The following AFF2 variants were observed in gnomAD, a reference collection of about 807,000 sequenced individuals.
AFF2 encodes ALF transcription elongation factor 2.
A neutral mutation model predicts 76.9 loss-of-function variants in AFF2; 14 were observed. That is an observed-to-expected ratio of 0.18 (90% CI 0.12 to 0.28). The LOEUF (loss-of-function observed/expected upper bound fraction) is 0.28, where lower values mean the gene tolerates loss of function less well. Ranked by LOEUF, AFF2 falls within the 10% of genes least tolerant of loss-of-function variation. The probability of loss-of-function intolerance (pLI) is 1.00; values close to 1 mark genes in which losing one functional copy is unlikely to be tolerated. For missense variants in AFF2, 868 were observed against 1,001.1 expected (o/e 0.87, Z 1.79); for synonymous variants, 398 against 366.7 (o/e 1.09, Z -0.98).
rs1443247447 is a variant in AFF2 at position 148,993,897 on chromosome X, T to C, written c.*2565T>C. ...CTTTCAGTTTCATGATTAAGGATTGTTGCTGTTTTATAGTTACTCTGTTCA... is the reference window on the plus strand; with the variant it reads ...CTTTCAGTTTCATGATTAAGGATTGCTGCTGTTTTATAGTTACTCTGTTCA... On this transcript the variant is annotated 3_prime_UTR_variant, in exon 21 of 21. Transcript: ENST00000370460. The C allele has an allele frequency of 8.9e-6, 1 of 112,597 alleles. No homozygotes were observed. The highest frequency in any genetic ancestry group is 1.9e-5 in the Non-Finnish European group (1 of 53,273). The allele number at this position is 112,597 out of a possible 1,213,427, so 9.3% of individuals were successfully genotyped here. A position where few individuals can be genotyped will look rare whatever the true frequency, so the allele number is the denominator to read the frequency against.
chrX:148,722,109 TC>T (rs1256434337), intron 3 of AFF2, among the ~76,000 whole-genome samples: 1 of 111,258 alleles, frequency 9.0e-6, no homozygotes, highest in African/African-American at 3.3e-5. Flanking sequence ...ACAGCAAGTG[TC>T]TGTTAAGGTC....
At position 148,958,245 on chromosome X, in the gene AFF2, C is replaced by G. The variant is rs2072065059; in HGVS notation, c.2569-92C>G. On this transcript the variant is annotated intron_variant, in intron 11 of 20. Coordinates refer to ENST00000370460, the MANE Select transcript of AFF2 (RefSeq NM_002025.4). ...ATCTAGAAGTTAAAATAAAAGCAAA[C>G]TATGTATCTTGCTCATTTTTAGTGT... is the stretch of plus-strand genomic sequence containing the variant. 31 of 1,095,414 alleles carry G rather than the reference C, an allele frequency of 2.8e-5. No homozygotes were observed. The South Asian group carries it at 5.9e-4, about 21-fold the overall frequency. 90.3% of individuals were successfully genotyped at this position (1,095,414 alleles called of 1,213,427 possible).
intron 3 of AFF2, among the ~76,000 whole-genome samples, chrX:148,703,128 G>T (rs1603281217): frequency 8.9e-6 from 1 of 112,025 alleles, no homozygotes. Flanking sequence ...TAAAGGCATA[G>T]TGTCAAGGCA....
intron 14 of AFF2, among the ~76,000 whole-genome samples, chrX:148,967,389 G>A (rs1464291829): frequency 8.9e-6 from 1 of 111,994 alleles, no homozygotes; most frequent in African/African-American, 3.3e-5. Context: ...TGATCTATTT[G>A]GACAACTGTA....
intron 3 of AFF2, among the ~76,000 whole-genome samples, chrX:148,775,199 G>A (rs1004244337): frequency 9.0e-6 from 1 of 111,464 alleles, no homozygotes; most frequent in East Asian, 2.8e-4. Flanking sequence ...TTACCTATAA[G>A]TTCTGTGTAA....
intron 1 of AFF2, among the ~76,000 whole-genome samples, chrX:148,590,860 C>A (rs2053516395): frequency 8.9e-6 from 1 of 111,770 alleles, no homozygotes; most frequent in Non-Finnish European, 1.9e-5. Context: ...ATCATATGTG[C>A]AAAATAACTG....
At chrX:148,919,441 C>G (rs781793147) in intron 9 of AFF2, among the ~76,000 whole-genome samples, 99 of 110,794 alleles carry the variant, frequency 8.9e-4, no homozygotes, top group African/African-American at 3.1e-3. Flanking sequence ...ATAATGAAAC[C>G]TCATGTCGAA....
intron 3 of AFF2, among the ~76,000 whole-genome samples, chrX:148,795,717 C>T (rs1180727978): frequency 2.2e-5 from 2 of 90,414 alleles, no homozygotes; most frequent in African/African-American, 4.1e-5. Context: ...GCAGGAGAAC[C>T]GCTTGAACCC....
At chrX:148,834,762 T>G (rs1275942722) in intron 4 of AFF2, among the ~76,000 whole-genome samples, 1 of 111,662 alleles carries the variant, frequency 9.0e-6, no homozygotes, top group African/African-American at 3.3e-5. Context: ...ATCCTTCAAG[T>G]GTTAATGAAA....
At position 148,685,786 on chromosome X, in the gene AFF2, A is replaced by AT. The variant is rs202033638; in HGVS notation, c.1041+23026dup. 9.2e-3 allele frequency among the ~76,000 whole-genome samples: 1,017 copies of AT among 110,254 alleles called. 16 individuals are homozygous for AT. The highest frequency in any genetic ancestry group is 0.029 in the African/African-American group (893 of 30,342). On this transcript the variant is annotated intron_variant, in intron 3 of 20. Coordinates refer to ENST00000370460, the MANE Select transcript of AFF2 (RefSeq NM_002025.4). ...CGTATCAAAATATCACTTAATCTTC[A>AT]TTTTTTTTAAAATTACCGGTCTATT...
At chrX:148,671,276 TTAA>T (rs1335308323) in intron 3 of AFF2, among the ~76,000 whole-genome samples, 3 of 112,414 alleles carry the variant, frequency 2.7e-5, no homozygotes, top group Non-Finnish European at 5.6e-5. Context: ...GTCATCATTA[TTAA>T]TAATGATGCA....
At chrX:148,743,431 C>T (rs1405137029) in intron 3 of AFF2, among the ~76,000 whole-genome samples, 3 of 112,026 alleles carry the variant, frequency 2.7e-5, no homozygotes, top group Non-Finnish European at 5.6e-5. Context: ...TCTGGAGATA[C>T]ACATACACAA....
chrX:148,867,765 G>C (rs1459782846), intron 7 of AFF2, among the ~76,000 whole-genome samples: 1 of 111,299 alleles, frequency 9.0e-6, no homozygotes, highest in African/African-American at 3.3e-5. Flanking sequence ...CCTGTGTCAT[G>C]CCTCTCTGCC....
At chrX:148,890,288 TC>T (rs2071207476) in intron 8 of AFF2, among the ~76,000 whole-genome samples, 1 of 112,232 alleles carries the variant, frequency 8.9e-6, no homozygotes, top group Non-Finnish European at 1.9e-5. Flanking sequence ...TCTCTAAGTC[TC>T]AGATCTCTTA....
chrX:148,778,021 G>A (rs1557268729), intron 3 of AFF2, among the ~76,000 whole-genome samples: 1 of 111,970 alleles, frequency 8.9e-6, no homozygotes, highest in Non-Finnish European at 1.9e-5. Flanking sequence ...CTTGAGGTAT[G>A]TTCCATTAAT....
intron 3 of AFF2, among the ~76,000 whole-genome samples, chrX:148,701,678 C>A (rs1299957562): frequency 8.9e-6 from 1 of 112,319 alleles, no homozygotes; most frequent in Non-Finnish European, 1.9e-5. Flanking sequence ...GTTTTCAGTG[C>A]ATCTTTATTG....
At chrX:148,520,937 A>G (rs1557234391) in intron 1 of AFF2, among the ~76,000 whole-genome samples, 1 of 112,520 alleles carries the variant, frequency 8.9e-6, no homozygotes, top group Non-Finnish European at 1.9e-5. Flanking sequence ...GCCTTATTCT[A>G]TAATGACCCA....
chrX:148,839,611 C>T (rs781917406), intron 5 of AFF2, among the ~76,000 whole-genome samples: 132 of 111,583 alleles, frequency 1.2e-3, no homozygotes, highest in African/African-American at 4.2e-3. Context: ...ATCACACAGG[C>T]CCACTGATGC....
chrX:148,859,588 A>C (rs1424946799), intron 7 of AFF2, among the ~76,000 whole-genome samples: 1 of 110,863 alleles, frequency 9.0e-6, no homozygotes, highest in East Asian at 2.8e-4. Context: ...GAATTTTCCT[A>C]CATACAATGA....
Sources: gnomAD v4.1 joint callset for allele counts (sites outside exome capture counted in the v4.1 genomes callset) on GRCh38, gnomAD v4.1.1 for gene constraint, MANE v1.5 for transcripts, NCBI Gene and HGNC (gene_info 2026-07-23, HGNC 2026-07-21) for gene names.